Variants in UGT2A2 observed in about 807,000 individuals in gnomAD.
The protein encoded by UGT2A2 is UDP-glucuronosyltransferase 2A2.
In UGT2A2, 60 loss-of-function variants were observed where a neutral mutation model predicts 50.7. That is an observed-to-expected ratio of 1.18 (90% confidence interval 0.96 to 1.47). The LOEUF is 1.47. Among genes scored for constraint, UGT2A2 ranks in the 40% most tolerant of loss-of-function variants. UGT2A2 has a pLI of 0.00. For synonymous variants in UGT2A2, 242 were observed against 214.6 expected, an observed-to-expected ratio of 1.13 and a Z score of -1.11; for missense variants, 762 against 634.0, an observed-to-expected ratio of 1.20 and a Z score of -2.17.
intron 1 of UGT2A2, among the ~76,000 whole-genome samples, chr4:69,625,334 A>G (rs1381794513): frequency 1.3e-5 from 2 of 151,052 alleles, no homozygotes; most frequent in Non-Finnish European, 3.0e-5. Context: ...AATTCACCAA[A>G]TTTGAAAAAT....
Position 69,601,407 on chromosome 4 carries a change from G to T in UGT2A2, c.743-2013C>A, listed in dbSNP as rs115687450. Among the ~76,000 whole-genome samples the T allele has an allele frequency of 4.6e-3, 695 of 152,148 alleles. 4 individuals are homozygous for T. The highest frequency in any genetic ancestry group is 8.1e-3 in the Non-Finnish European group (554 of 67,986). On this transcript the variant is annotated intron_variant, in intron 1 of 5. Transcript: ENST00000604629. Reference sequence around the variant, plus strand: ...CCCGCCCCCCGGAGTACTACTCCTGGGTAACATAAGGCAAGCACAAAACTC... The same window carrying T: ...CCCGCCCCCCGGAGTACTACTCCTGTGTAACATAAGGCAAGCACAAAACTC...
intron 1 of UGT2A2, among the ~76,000 whole-genome samples, chr4:69,601,099 T>G (rs1332829903): frequency 6.6e-6 from 1 of 152,160 alleles, no homozygotes; most frequent in Non-Finnish European, 1.5e-5. Flanking sequence ...ATGTGAGAAC[T>G]GCCTTGCCAA....
intron 5 of UGT2A2, among the ~76,000 whole-genome samples, chr4:69,590,260 G>A (rs112215417): frequency 3.9e-5 from 6 of 152,340 alleles, no homozygotes; most frequent in East Asian, 3.9e-4. Context: ...GAACTTTGAT[G>A]TTTCAATTGA....
rs545380427 is a variant in UGT2A2 at position 69,603,958 on chromosome 4, G to A, written c.743-4564C>T. 9.1e-3 allele frequency among the ~76,000 whole-genome samples: 1,244 copies of A among 136,906 alleles called. 197 individuals are homozygous for A. The highest frequency in any genetic ancestry group is 0.015 in the Non-Finnish European group (973 of 64,252). The allele number at this position is 136,906 out of a possible 152,430, so 89.8% of individuals were successfully genotyped here. On this transcript the variant is annotated intron_variant, in intron 1 of 5. Coordinates refer to ENST00000604629, the MANE Select transcript of UGT2A2 (RefSeq NM_001105677.2). ...ACGTCTGATTGGTGTACCTGAAAGTGATGGGGAGAATGGAACCAAGTTGGA... is the reference window on the plus strand; with the variant it reads ...ACGTCTGATTGGTGTACCTGAAAGTAATGGGGAGAATGGAACCAAGTTGGA...
intron 1 of UGT2A2, among the ~76,000 whole-genome samples, chr4:69,638,562 G>A (rs925724556): frequency 6.6e-6 from 1 of 152,104 alleles, no homozygotes. Context: ...GTATCACCTC[G>A]AAAATATTTG....
chr4:69,599,000 G>A (rs1480408519), intron 2 of UGT2A2, among the ~76,000 whole-genome samples: 3 of 152,194 alleles, frequency 2.0e-5, no homozygotes, highest in Non-Finnish European at 4.4e-5. Flanking sequence ...CCAGTATCAA[G>A]GTGTAGACAC....
At position 69,614,548 on chromosome 4, in the gene UGT2A2, A is replaced by T. The variant is rs540675582; in HGVS notation, c.743-15154T>A. ...GAGCAAAAAGAACAAAGTTGGAGGA[A>T]CTACATTACTTGACTTCAAATTATA... is the stretch of plus-strand genomic sequence containing the variant. On this transcript the variant is annotated intron_variant, in intron 1 of 5. Transcript: ENST00000604629. Among the ~76,000 whole-genome samples the T allele has an allele frequency of 7.9e-5, 12 of 152,152 alleles. No individual in the cohort carries two copies. The East Asian group carries it at 2.3e-3, about 29-fold the overall frequency.
intron 1 of UGT2A2, among the ~76,000 whole-genome samples, chr4:69,602,486 T>C (rs1719354578): frequency 7.3e-6 from 1 of 136,236 alleles, no homozygotes; most frequent in Non-Finnish European, 1.6e-5. Context: ...TATCTATCTA[T>C]CTATCTATCT....
chr4:69,638,618 C>G (rs2109967805), intron 1 of UGT2A2, among the ~76,000 whole-genome samples: 1 of 152,158 alleles, frequency 6.6e-6, no homozygotes, highest in Non-Finnish European at 1.5e-5. Flanking sequence ...AATATGGGCA[C>G]TTTCATTTAT....
chr4:69,629,374 C>T (rs1307778167), intron 1 of UGT2A2, among the ~76,000 whole-genome samples: 2 of 152,070 alleles, frequency 1.3e-5, no homozygotes, highest in East Asian at 1.9e-4. Context: ...GGGGCTCATA[C>T]CTGGCTCCTA....
intron 1 of UGT2A2, among the ~76,000 whole-genome samples, chr4:69,615,347 C>G (rs567721159): frequency 4.1e-4 from 62 of 151,612 alleles, no homozygotes; most frequent in African/African-American, 1.5e-3. Flanking sequence ...CACAGCCATC[C>G]AAAGCAAAAA....
intron 1 of UGT2A2, chr4:69,603,684 A>C (rs1469854423): frequency 1.5e-5 from 2 of 136,058 alleles, no homozygotes; most frequent in African/African-American, 6.0e-5. Flanking sequence ...AATTAGACGA[A>C]TGGCTAACTA....
intron 1 of UGT2A2, chr4:69,603,415 C>T (rs945298650): frequency 1.5e-5 from 2 of 137,000 alleles, no homozygotes; most frequent in African/African-American, 5.9e-5. Flanking sequence ...AACCCCATCT[C>T]TACATCACCA....
chr4:69,600,019 G>T (rs10033879), intron 1 of UGT2A2, among the ~76,000 whole-genome samples: 62,183 of 151,936 alleles, frequency 0.41, 12,933 homozygotes, highest in East Asian at 0.56. Context: ...CTGTGAATTT[G>T]TTTACAAGAA....
intron 5 of UGT2A2, among the ~76,000 whole-genome samples, chr4:69,593,759 G>A (rs1041508155): frequency 4.0e-5 from 6 of 151,322 alleles, no homozygotes; most frequent in African/African-American, 7.3e-5. Context: ...TAAAGGTATC[G>A]AATGGTATAT....
At chr4:69,596,471 T>C (rs1287882896) in intron 2 of UGT2A2, 90 bp from the exon 3 acceptor site, 3 of 1,367,810 alleles carry the variant, frequency 2.2e-6, no homozygotes, top group East Asian at 2.7e-5. Flanking sequence ...AAAATTAAGA[T>C]ATATGTCAGA....
At chr4:69,618,207 G>GTT (rs1260210138) in intron 1 of UGT2A2, among the ~76,000 whole-genome samples, 2 of 72,806 alleles carry the variant, frequency 2.7e-5, no homozygotes, top group African/African-American at 7.9e-5. Context: ...GTGTGTGTGT[G>GTT]TGTGTGTGTA....
chr4:69,615,207 A>C (rs1412539571), intron 1 of UGT2A2, among the ~76,000 whole-genome samples: 1 of 151,968 alleles, frequency 6.6e-6, no homozygotes, highest in African/African-American at 2.4e-5. Context: ...CACCCTGAAA[A>C]ATTAAATCAC....
chr4:69,602,070 C>A (rs1719327301), intron 1 of UGT2A2, among the ~76,000 whole-genome samples: 2 of 136,474 alleles, frequency 1.5e-5, no homozygotes, highest in African/African-American at 3.0e-5. Flanking sequence ...AAATGATTAT[C>A]TGACTAAATC....
Sources: allele counts gnomAD v4.1 joint callset (sites outside exome capture counted in the v4.1 genomes callset), GRCh38; gene constraint gnomAD v4.1.1; transcripts MANE v1.5; gene names NCBI Gene and HGNC (gene_info 2026-07-23, HGNC 2026-07-21).